Variants in GPA33 observed in about 807,000 individuals in gnomAD.
The protein encoded by GPA33 is glycoprotein A33.
A neutral mutation model predicts 35.6 loss-of-function variants in GPA33; 27 were observed. The ratio of observed to expected loss-of-function variants is 0.76; its 90% CI spans 0.56 to 1.04. The LOEUF is 1.04. Ranked by LOEUF, GPA33 falls within the 50% of genes least tolerant of loss-of-function variation. The pLI, the probability that GPA33 is intolerant of heterozygous loss-of-function variation, is 0.00. For missense variants in GPA33, 428 were observed against 411.9 expected, an observed-to-expected ratio of 1.04 and a Z score of -0.34; for synonymous variants, 176 against 164.0, an observed-to-expected ratio of 1.07 and a Z score of -0.56.
chr1:167,082,326 C>T (rs1359133813), intron 1 of GPA33: 2 of 455,962 alleles, frequency 4.4e-6, no homozygotes, highest in East Asian at 1.4e-4. Context: ...AACAAACATA[C>T]AGCCCTCTTT....
chr1:167,063,713 C>A lies in GPA33; in HGVS notation c.440G>T (p.Gly147Val). ...VLVPPSKPEC[G>V]IEGETIIGNN... ...CCCAATTATGGTCTCTCCCTCGATG[C>A]CGCATTCTGGTTTGGAGGGTGGCAC... Residue 147 changes from glycine to valine, a missense_variant, in exon 4 of 7, where the codon GGC becomes GTC. Gly to Val is a moderately radical substitution (Grantham distance 109). Coordinates refer to ENST00000367868, the MANE Select transcript of GPA33 (RefSeq NM_005814.3). 6.2e-7 allele frequency: 1 copy of A among 1,613,324 alleles called. No homozygotes were observed. Among genetic ancestry groups the A allele is most frequent in the South Asian group, 1.1e-5 (1 of 91,020 alleles).
intron 4 of GPA33, among the ~76,000 whole-genome samples, chr1:167,059,013 G>T (rs185338797): frequency 1.3e-5 from 2 of 152,286 alleles, no homozygotes; most frequent in Admixed American, 1.3e-4. Context: ...TGTGAAGCTC[G>T]GACTCTGGAT....
chr1:167,073,341 T>C (rs1477518762), intron 2 of GPA33, 44 bp downstream of exon 2: 2 of 1,548,316 alleles, frequency 1.3e-6, no homozygotes, highest in Non-Finnish European at 1.8e-6. Flanking sequence ...CCTGGTCAGG[T>C]GATAATCATT....
chr1:167,054,352 C>G lies in GPA33; in HGVS notation c.942G>C (p.Pro314=). 1.2e-6 allele frequency: 2 copies of G among 1,614,042 alleles called. No individual in the cohort carries two copies. The highest frequency in any genetic ancestry group is 8.5e-7 in the Non-Finnish European group (1 of 1,179,988). The part of the protein sequence containing the change: ...EEQRSTGRES[P]DHLDQ Reference sequence around the variant, plus strand: ...TGGCCTGTCACTGGTCGAGGTGGTCCGGGGATTCACGCCCAGTGCTCCTCT... The same window carrying G: ...TGGCCTGTCACTGGTCGAGGTGGTCGGGGGATTCACGCCCAGTGCTCCTCT... The change falls in exon 7 of 7, where the codon CCG becomes CCC. Residue 314 remains proline (P), a synonymous_variant. Coordinates refer to ENST00000367868, the MANE Select transcript of GPA33 (RefSeq NM_005814.3).
intron 5 of GPA33, among the ~76,000 whole-genome samples, chr1:167,055,380 G>T (rs1015170320): frequency 6.6e-6 from 1 of 152,184 alleles, no homozygotes; most frequent in Non-Finnish European, 1.5e-5. Flanking sequence ...CTTTAAGCTA[G>T]ATTTGGTGTC....
intron 1 of GPA33, among the ~76,000 whole-genome samples, chr1:167,087,225 G>A (rs972078632): frequency 7.3e-5 from 11 of 150,932 alleles, no homozygotes; most frequent in East Asian, 6.0e-4. Context: ...CAGAGCTCTC[G>A]GATAATTGGT....
At chr1:167,066,865 A>G (rs1412643464) in intron 3 of GPA33, among the ~76,000 whole-genome samples, 1 of 152,102 alleles carries the variant, frequency 6.6e-6, no homozygotes, top group Non-Finnish European at 1.5e-5. Context: ...CCCAGCCGAA[A>G]CCGAGACTGA....
chr1:167,082,611 G>A (rs372343465), intron 1 of GPA33, among the ~76,000 whole-genome samples: 1 of 152,212 alleles, frequency 6.6e-6, no homozygotes, highest in Non-Finnish European at 1.5e-5. Flanking sequence ...CCGAGAGGAG[G>A]GGAAGGGCCA....
At chr1:167,068,358 C>A (rs1487692532) in intron 3 of GPA33, among the ~76,000 whole-genome samples, 1 of 152,136 alleles carries the variant, frequency 6.6e-6, no homozygotes, top group East Asian at 1.9e-4. Context: ...TCTTTCAGAT[C>A]CTTCCCAAAC....
At chr1:167,070,855 C>T (rs149227544) in intron 2 of GPA33, among the ~76,000 whole-genome samples, 11 of 152,216 alleles carry the variant, frequency 7.2e-5, no homozygotes, top group Admixed American at 3.3e-4. Context: ...AGTAAGGGAA[C>T]GGCAGACTTC....
intron 1 of GPA33, chr1:167,078,803 C>T (rs1666871791): frequency 6.6e-6 from 1 of 152,336 alleles, no homozygotes; most frequent in South Asian, 2.1e-4. Context: ...TAACCATGAG[C>T]AGTTTACTTA....
chr1:167,079,677 T>C (rs1666887379), intron 1 of GPA33, among the ~76,000 whole-genome samples: 1 of 152,202 alleles, frequency 6.6e-6, no homozygotes, highest in Non-Finnish European at 1.5e-5. Flanking sequence ...AACAGCCATC[T>C]TGGGAATCCT....
At chr1:167,082,712 G>A (rs187137614) in intron 1 of GPA33, among the ~76,000 whole-genome samples, 8 of 152,318 alleles carry the variant, frequency 5.3e-5, no homozygotes, top group East Asian at 1.9e-4. Context: ...CGTGCAGGGC[G>A]TGAGCTCTAG....
At chr1:167,071,479 G>T (rs1199877360) in intron 2 of GPA33, among the ~76,000 whole-genome samples, 1 of 152,184 alleles carries the variant, frequency 6.6e-6, no homozygotes, top group Non-Finnish European at 1.5e-5. Context: ...GCCTGTGCTG[G>T]GATACATGGC....
intron 1 of GPA33, among the ~76,000 whole-genome samples, chr1:167,088,944 C>G (rs1034410540): frequency 6.6e-6 from 1 of 152,172 alleles, no homozygotes; most frequent in Admixed American, 6.5e-5. Flanking sequence ...GATAGGCCCA[C>G]TTATGACTAA....
intron 1 of GPA33, chr1:167,082,147 A>G: frequency 7.0e-6 from 3 of 425,686 alleles, no homozygotes; most frequent in South Asian, 1.7e-5. Context: ...AAAACTGTGC[A>G]TACAACAGTG....
chr1:167,069,074 C>A lies in GPA33; in HGVS notation c.263G>T (p.Arg88Leu), dbSNP rs766292498. Residue 88 changes from arginine (R) to leucine (L), a missense_variant, in exon 3 of 7, where the codon CGC becomes CTC. Physicochemically the swap from Arg to Leu is moderately radical, Grantham distance 102. Coordinates refer to ENST00000367868, the MANE Select transcript of GPA33 (RefSeq NM_005814.3). ...CTCAGCATTGTTGGATATGCTGACG[C>A]GATTCTTATAAAGCTCACCATGGAT... ...NYIHGELYKN[R>L]VSISNNAEQS... 9 of 1,613,866 alleles carry A rather than the reference C, an allele frequency of 5.6e-6. No individual in the cohort carries two copies. Among genetic ancestry groups the A allele is most frequent in the Non-Finnish European group, 6.8e-6 (8 of 1,179,928 alleles).
chr1:167,056,809 G>C (rs1347043100), intron 4 of GPA33, among the ~76,000 whole-genome samples: 2 of 107,684 alleles, frequency 1.9e-5, no homozygotes, highest in Non-Finnish European at 3.9e-5. Flanking sequence ...GGTGTGGTGT[G>C]TATGTGGCAG....
At chr1:167,084,559 C>T (rs1667015267) in intron 1 of GPA33, among the ~76,000 whole-genome samples, 1 of 152,192 alleles carries the variant, frequency 6.6e-6, no homozygotes, top group Admixed American at 6.5e-5. Context: ...CTGGGCTTTG[C>T]CCTAAGAAAC....
Sources: allele counts gnomAD v4.1 joint callset (sites outside exome capture counted in the v4.1 genomes callset), GRCh38; gene constraint gnomAD v4.1.1; transcripts MANE v1.5; gene names NCBI Gene and HGNC (gene_info 2026-07-23, HGNC 2026-07-21).